The following PDCD6 variants were observed in gnomAD, a reference collection of about 807,000 sequenced individuals.
PDCD6 encodes the protein programmed cell death 6.
PDCD6 carries 12 observed loss-of-function variants against 28.3 expected under a neutral mutation model. The observed-to-expected ratio is 0.42, with a 90% CI of 0.27 to 0.69. PDCD6 has a LOEUF of 0.69. PDCD6 is among the 30% of genes least tolerant of loss of function. The pLI is 0.22. For synonymous variants in PDCD6, 92 were observed against 108.0 expected (o/e 0.85, Z 0.92); for missense variants, 226 against 269.9 (o/e 0.84, Z 1.14).
intron 2 of PDCD6, among the ~76,000 whole-genome samples, chr5:277,953 G>A (rs1203479448): frequency 6.6e-6 from 1 of 151,416 alleles, no homozygotes; most frequent in African/African-American, 2.4e-5. Context: ...CCTTGTTTAG[G>A]TGTTAACAAA....
chr5:277,312 T>C (rs543863007), intron 2 of PDCD6, among the ~76,000 whole-genome samples: 16 of 144,014 alleles, frequency 1.1e-4, no homozygotes, highest in African/African-American at 3.9e-4. Flanking sequence ...TTTTTTTTTT[T>C]TTTTTTTTTT....
At chr5:281,186 TAA>T (rs1223616904) in intron 2 of PDCD6, among the ~76,000 whole-genome samples, 3 of 152,262 alleles carry the variant, frequency 2.0e-5, no homozygotes, top group Admixed American at 2.0e-4. Flanking sequence ...CTCATGAACA[TAA>T]AAGAGACATC....
intron 3 of PDCD6, 187 bp from the exon 4 acceptor site, chr5:306,415 C>G (rs1740486562): frequency 1.7e-6 from 1 of 598,152 alleles, no homozygotes; most frequent in African/African-American, 1.8e-5. Context: ...CACCCCCACC[C>G]AGGGCGAAGG....
intron 3 of PDCD6, chr5:304,427 G>T: frequency 1.6e-6 from 1 of 608,198 alleles, no homozygotes; most frequent in Non-Finnish European, 2.6e-6. Flanking sequence ...TCTTGATTCT[G>T]TTTATTTTTA....
chr5:284,531 T>C (rs1472565174), intron 2 of PDCD6, among the ~76,000 whole-genome samples: 3 of 151,836 alleles, frequency 2.0e-5, no homozygotes, highest in Non-Finnish European at 4.4e-5. Context: ...GGAGAAGATG[T>C]TCCAGTTTGA....
At chr5:313,761 G>A (rs1267937307) in intron 5 of PDCD6, 5 of 154,078 alleles carry the variant, frequency 3.2e-5, no homozygotes, top group Non-Finnish European at 7.3e-5. Context: ...CTGCAGCCTC[G>A]ACCCTCAGGC....
chr5:285,733 C>A (rs901962314), intron 2 of PDCD6, among the ~76,000 whole-genome samples: 1 of 150,208 alleles, frequency 6.7e-6, no homozygotes, highest in Non-Finnish European at 1.5e-5. Context: ...GTTTGAAGGC[C>A]GTGCATTTGG....
intron 4 of PDCD6, chr5:310,497 A>AGTGAC: frequency 6.6e-6 from 1 of 152,536 alleles, no homozygotes; most frequent in Non-Finnish European, 1.5e-5. Context: ...CAGTAAGGAT[A>AGTGAC]TGCCACAGTC....
At chr5:306,836 T>C (rs896537432) in intron 4 of PDCD6, 76 bp downstream of exon 4, 3 of 1,452,230 alleles carry the variant, frequency 2.1e-6, no homozygotes, top group African/African-American at 2.8e-5. Flanking sequence ...TTAAACCTTG[T>C]TGGACTTAAC....
In PDCD6 at chr5:290,999, C is replaced by T. The variant is rs1454094786; in HGVS notation, c.164-13178C>T. On this transcript the variant is annotated intron_variant, in intron 2 of 5. Transcript: ENST00000264933. ...ATGGGTAAGGTATAAAGAATATTGA[C>T]ACATTGGACACAGAGGACCTCCACC... 3.9e-5 allele frequency among the ~76,000 whole-genome samples: 6 copies of T among 152,170 alleles called. No individual in the cohort carries two copies. In the East Asian group the frequency reaches 1.2e-3, roughly 29 times the overall value.
intron 2 of PDCD6, among the ~76,000 whole-genome samples, chr5:294,740 A>G (rs540961064): frequency 1.3e-3 from 199 of 152,370 alleles, no homozygotes; most frequent in African/African-American, 4.4e-3. Flanking sequence ...AAACCTGCAC[A>G]CAAGTGTTTA....
intron 2 of PDCD6, among the ~76,000 whole-genome samples, chr5:284,041 T>G (rs1038032400): frequency 6.6e-6 from 1 of 152,018 alleles, no homozygotes; most frequent in Middle Eastern, 3.2e-3. Context: ...TTATGTTGTT[T>G]GCATTGAAAG....
At chr5:283,421 A>T (rs1230157817) in intron 2 of PDCD6, among the ~76,000 whole-genome samples, 1 of 152,096 alleles carries the variant, frequency 6.6e-6, no homozygotes, top group Non-Finnish European at 1.5e-5. Flanking sequence ...AGAGGAGCTG[A>T]TGTTCTAGTT....
intron 2 of PDCD6, among the ~76,000 whole-genome samples, chr5:288,000 A>G (rs1739082262): frequency 6.6e-6 from 1 of 152,202 alleles, no homozygotes; most frequent in Non-Finnish European, 1.5e-5. Flanking sequence ...TCCAAAAATA[A>G]AGAATATTTT....
chr5:294,495 C>T (rs536349975), intron 2 of PDCD6, among the ~76,000 whole-genome samples: 2 of 152,366 alleles, frequency 1.3e-5, no homozygotes, highest in South Asian at 2.1e-4. Flanking sequence ...TCAACAGTAC[C>T]TCTGCAAATC....
intron 2 of PDCD6, among the ~76,000 whole-genome samples, chr5:297,587 A>G (rs1232941027): frequency 2.0e-5 from 3 of 152,180 alleles, no homozygotes; most frequent in Non-Finnish European, 4.4e-5. Context: ...CCATCACCAA[A>G]TCAAAGCAAT....
chr5:295,244 G>A (rs546006818), intron 2 of PDCD6, among the ~76,000 whole-genome samples: 14 of 151,188 alleles, frequency 9.3e-5, no homozygotes, highest in African/African-American at 2.0e-4. Flanking sequence ...TTTCATAAGC[G>A]TATTGGACTT....
chr5:271,963 C>G lies in PDCD6; in HGVS notation c.101+142C>G, dbSNP rs1579465329. 7 of 435,426 alleles carry G rather than the reference C, an allele frequency of 1.6e-5. No individual in the cohort carries two copies. In the East Asian group the frequency reaches 2.5e-4, roughly 16 times the overall value. The allele number at this position is 435,426 out of a possible 1,614,324, so 27.0% of individuals were successfully genotyped here. A position where few individuals can be genotyped will look rare whatever the true frequency, so the allele number is the denominator to read the frequency against. On this transcript the variant is annotated intron_variant, in intron 1 of 5. Coordinates refer to ENST00000264933, the MANE Select transcript of PDCD6 (RefSeq NM_013232.4). Reference sequence around the variant, plus strand: ...CCTGTCGGGTCCCCCGCGGCCCCCTCCCGTCCCCTGCCGCCGCCCCCGACC... The same window carrying G: ...CCTGTCGGGTCCCCCGCGGCCCCCTGCCGTCCCCTGCCGCCGCCCCCGACC...
intron 2 of PDCD6, among the ~76,000 whole-genome samples, chr5:296,636 T>A (rs1181332738): frequency 6.6e-6 from 1 of 152,168 alleles, no homozygotes; most frequent in African/African-American, 2.4e-5. Flanking sequence ...GAGCTCAAAG[T>A]AGTCCACATC....
Sources: allele counts gnomAD v4.1 joint callset (sites outside exome capture counted in the v4.1 genomes callset), GRCh38; gene constraint gnomAD v4.1.1; transcripts MANE v1.5; gene names NCBI Gene and HGNC (gene_info 2026-07-23, HGNC 2026-07-21).